The following CEP135 variants were observed in gnomAD, a reference collection of about 807,000 sequenced individuals.
The protein encoded by CEP135 is centrosomal protein of 135 kDa.
In CEP135, 142 loss-of-function variants were observed where a neutral mutation model predicts 157.3. That is an observed-to-expected ratio of 0.90 (90% CI 0.79 to 1.04). The LOEUF (loss-of-function observed/expected upper bound fraction) is 1.04. Ranked by LOEUF, CEP135 falls within the 50% of genes least tolerant of loss-of-function variation. The pLI, the probability that CEP135 is intolerant of heterozygous loss-of-function variation, is 0.00. For missense variants in CEP135, 1,317 were observed against 1,309.2 expected (o/e 1.01, Z -0.09); for synonymous variants, 396 against 439.8 (o/e 0.90, Z 1.25).
At chr4:55,963,765 C>T (rs896863269) in intron 6 of CEP135, among the ~76,000 whole-genome samples, 1 of 152,068 alleles carries the variant, frequency 6.6e-6, no homozygotes, top group Admixed American at 6.6e-5. Context: ...AAGAAAAAGC[C>T]AAAGCTTGAA....
chr4:55,995,192 G>A (rs1442868464), intron 15 of CEP135, among the ~76,000 whole-genome samples: 2 of 152,106 alleles, frequency 1.3e-5, no homozygotes, highest in Non-Finnish European at 2.9e-5. Flanking sequence ...TGTCTACCCG[G>A]GAAGGTTATT....
rs528940745 is a variant in CEP135, at chr4:55,991,850, C to T, written c.1858-84C>T. ...TAAATCTATTTTCTTAGTTTTCTTCCGGAAATATTATTAAAGAGTGCCTAA... is the reference window on the plus strand; with the variant it reads ...TAAATCTATTTTCTTAGTTTTCTTCTGGAAATATTATTAAAGAGTGCCTAA... On this transcript the variant is annotated intron_variant, in intron 14 of 25. Transcript: ENST00000257287. 3.1e-4 allele frequency: 219 copies of T among 701,630 alleles called. 1 individual carries two copies. Among genetic ancestry groups the T allele is most frequent in the African/African-American group, 3.0e-3 (156 of 52,810 alleles). The allele number at this position is 701,630 out of a possible 1,614,324, so 43.5% of individuals were successfully genotyped here.
chr4:55,999,176 C>T lies in CEP135; in HGVS notation c.2010-126C>T, dbSNP rs1423755017. ...AATGCCATAGATTATACTGGAGGAG[C>T]TTTAAAATAAAAAATAGCAAACTTT... On this transcript the variant is annotated intron_variant, in intron 15 of 25. Transcript: ENST00000257287. The T allele has an allele frequency of 1.3e-5, 9 of 692,208 alleles. No homozygotes were observed. The South Asian group carries it at 1.6e-4, about 13-fold the overall frequency. 42.9% of individuals were successfully genotyped at this position (692,208 alleles called of 1,614,324 possible). A position where few individuals can be genotyped will look rare whatever the true frequency, so the allele number is the denominator to read the frequency against.
At chr4:55,962,163 G>T (rs1376096868) in intron 6 of CEP135, among the ~76,000 whole-genome samples, 1 of 151,774 alleles carries the variant, frequency 6.6e-6, no homozygotes, top group African/African-American at 2.4e-5. Context: ...GCAGTGGCGC[G>T]ATCTCGGCTC....
Position 55,992,049 on chromosome 4 carries a change from ACTCAT to A in CEP135, c.1980_1984del (p.His661GlufsTer8). 6.8e-6 allele frequency: 11 copies of A among 1,606,072 alleles called. No individual in the cohort carries two copies. The highest frequency in any genetic ancestry group is 9.3e-6 in the Non-Finnish European group (11 of 1,177,800). On this transcript the variant is annotated frameshift_variant, in exon 15 of 26. Transcript: ENST00000257287. LOFTEE classifies it high-confidence loss of function. ...CAAAAATTTAGCCATGTGGCTGGTG[ACTCAT>A]CTCATCAGAAAACAGAGGTGAACTC...
intron 11 of CEP135, among the ~76,000 whole-genome samples, chr4:55,975,221 C>T (rs188838524): frequency 3.9e-5 from 6 of 152,312 alleles, no homozygotes; most frequent in African/African-American, 9.6e-5. Flanking sequence ...AGTGCAGTGG[C>T]ACCTGGCCTT....
In CEP135 at chr4:55,974,870, G is replaced by A. The variant is rs999052618; in HGVS notation, c.1374G>A (p.Lys458=). The change falls in exon 11 of 26, where the codon AAG becomes AAA. Residue 458 remains lysine, a synonymous_variant. Coordinates refer to ENST00000257287, the MANE Select transcript of CEP135 (RefSeq NM_025009.5). ...TAGAAGAAGAACGAGATTATTATAA[G>A]AAAGAGCTAGAGAGACTCCAACATA... The part of the protein sequence containing the change: ...KGIEEERDYY[K]KELERLQHII... The A allele has an allele frequency of 4.4e-5, 71 of 1,613,704 alleles. No homozygotes were observed. Among genetic ancestry groups the A allele is most frequent in the Non-Finnish European group, 5.8e-5 (68 of 1,179,868 alleles).
In CEP135 at chr4:56,019,362, G is replaced by A. The variant is rs1167845743; in HGVS notation, c.3022G>A (p.Glu1008Lys). 6.2e-7 allele frequency: 1 copy of A among 1,609,852 alleles called. No individual in the cohort carries two copies. Among genetic ancestry groups the A allele is most frequent in the Non-Finnish European group, 8.5e-7 (1 of 1,178,814 alleles). The change falls in exon 23 of 26, where the codon GAA becomes AAA. Residue 1008 changes from glutamate (E) to lysine (K), a missense_variant. By Grantham distance (56) the Glu-to-Lys change is moderately conservative. Transcript: ENST00000257287. ...TTTGTTTTTCACGTAGGTTGTGGTG[G>A]AATTAGAAAATGTAAAGTCAGAGTC... Reference protein sequence around the residue: ...KNLEFERVVVELENVKSESDL... With the variant: ...KNLEFERVVVKLENVKSESDL...
intron 1 of CEP135, among the ~76,000 whole-genome samples, chr4:55,951,561 A>G (rs976216287): frequency 2.0e-5 from 3 of 152,206 alleles, no homozygotes; most frequent in Admixed American, 6.5e-5. Flanking sequence ...TAGCGCAACT[A>G]AATTACAGTT....
chr4:55,956,649 T>C (rs1488309674), intron 4 of CEP135, among the ~76,000 whole-genome samples: 1 of 152,134 alleles, frequency 6.6e-6, no homozygotes, highest in Non-Finnish European at 1.5e-5. Flanking sequence ...TCACTCTTGT[T>C]GCCCAGGTTA....
Position 55,997,113 on chromosome 4 carries a change from T to C in CEP135, c.2010-2189T>C, listed in dbSNP as rs192879574. Among the ~76,000 whole-genome samples, 14 of 152,334 alleles carry C rather than the reference T, an allele frequency of 9.2e-5. 1 individual carries two copies. The highest frequency in any genetic ancestry group is 9.2e-4 in the Admixed American group (14 of 15,296). On this transcript the variant is annotated intron_variant, in intron 15 of 25. Transcript: ENST00000257287. ...ATTTTTCCTAACTTGATTCTCAAAA[T>C]TTCCTTTCCAAACACGATTATGAAC...
In CEP135 at chr4:56,012,077, A is replaced by C. The variant is rs191182647; in HGVS notation, c.2802+92A>C. ...TTTATTTATTTATTTATTTTTTTTG[A>C]GATGAAGTCTGACTCTGTTGCCCAG... On this transcript the variant is annotated intron_variant, in intron 21 of 25. Transcript: ENST00000257287. The C allele has an allele frequency of 3.7e-4, 319 of 864,984 alleles. 1 individual carries two copies. The African/African-American group carries it at 5.1e-3, about 14-fold the overall frequency. 53.6% of individuals were successfully genotyped at this position (864,984 alleles called of 1,614,324 possible).
chr4:56,015,718 A>C (rs1184096806), intron 21 of CEP135, among the ~76,000 whole-genome samples: 1 of 152,160 alleles, frequency 6.6e-6, no homozygotes, highest in African/African-American at 2.4e-5. Flanking sequence ...CTTGTTTTCC[A>C]GTGTCATAGG....
Position 55,964,345 on chromosome 4 carries a change from T to C in CEP135, c.771T>C (p.Leu257=). The change falls in exon 7 of 26, where the codon CTT becomes CTC. Residue 257 remains leucine, a synonymous_variant. Coordinates refer to ENST00000257287, the MANE Select transcript of CEP135 (RefSeq NM_025009.5). The part of the protein sequence containing the change: ...ALDGGRSPDV[L]SLESRNKTNE... ...ATGGTGGTCGGTCCCCTGATGTCCTTTCTCTGGAGTCTAGAAATAAAACCA... is the reference window on the plus strand; with the variant it reads ...ATGGTGGTCGGTCCCCTGATGTCCTCTCTCTGGAGTCTAGAAATAAAACCA... 6.2e-7 allele frequency: 1 copy of C among 1,613,166 alleles called. No individual in the cohort carries two copies.
intron 21 of CEP135, among the ~76,000 whole-genome samples, chr4:56,012,242 G>T (rs939364031): frequency 2.0e-5 from 3 of 152,058 alleles, no homozygotes; most frequent in Non-Finnish European, 4.4e-5. Flanking sequence ...TTTTAGTAGA[G>T]ATGGGGTTTC....
chr4:55,971,645 G>A (rs1729031083), intron 10 of CEP135, among the ~76,000 whole-genome samples: 1 of 151,640 alleles, frequency 6.6e-6, no homozygotes, highest in Non-Finnish European at 1.5e-5. Flanking sequence ...TTTTGCAATA[G>A]AAATGTGTCC....
chr4:55,974,935 G>T lies in CEP135; in HGVS notation c.1439G>T (p.Arg480Leu), dbSNP rs367627205. 1 of 1,605,606 alleles carries T rather than the reference G, an allele frequency of 6.2e-7. No homozygotes were observed. Among genetic ancestry groups the T allele is most frequent in the Non-Finnish European group, 8.5e-7 (1 of 1,175,146 alleles). The change falls in exon 11 of 26, where the codon CGT becomes CTT. Residue 480 changes from arginine (R) to leucine (L), a missense_variant. Physicochemically the swap from Arg to Leu is moderately radical, Grantham distance 102. Transcript: ENST00000257287. ...TCTTGCTCTACAAGTTATAGCGCAC[G>T]TGAAAAAAGTTCAATATTTAGAACA... is the stretch of plus-strand genomic sequence containing the variant. ...RRSCSTSYSA[R>L]EKSSIFRTPE...
intron 17 of CEP135, among the ~76,000 whole-genome samples, chr4:56,002,284 A>G (rs961765239): frequency 2.0e-5 from 3 of 152,002 alleles, no homozygotes; most frequent in Admixed American, 2.0e-4. Flanking sequence ...ATTATGTTAA[A>G]TAAAAGTGTG....
intron 21 of CEP135, among the ~76,000 whole-genome samples, chr4:56,013,494 A>G (rs13129197): frequency 0.2 from 29,875 of 152,022 alleles, 3,310 homozygotes; most frequent in Non-Finnish European, 0.26. Context: ...TAAGAGTTTT[A>G]TAGTTTTAGC....
Sources: gnomAD v4.1 joint callset for allele counts (sites outside exome capture counted in the v4.1 genomes callset) on GRCh38, gnomAD v4.1.1 for gene constraint, MANE v1.5 for transcripts, NCBI Gene and HGNC (gene_info 2026-07-23, HGNC 2026-07-21) for gene names.